GALNT17: variants seen among roughly 807,000 people sequenced by gnomAD.
GALNT17 encodes polypeptide N-acetylgalactosaminyltransferase 17.
GALNT17 carries 29 observed loss-of-function variants against 63.7 expected under a neutral mutation model. That is an observed-to-expected ratio of 0.46 (90% CI 0.34 to 0.62). The LOEUF is 0.62. Ranked by LOEUF, GALNT17 falls within the 20% of genes least tolerant of loss-of-function variation. The pLI, the probability that GALNT17 is intolerant of heterozygous loss-of-function variation, is 0.01. For synonymous variants in GALNT17, 305 were observed against 318.3 expected, an observed-to-expected ratio of 0.96 and a Z score of 0.45; for missense variants, 603 against 799.6, an observed-to-expected ratio of 0.75 and a Z score of 2.97.
At chr7:71,212,228 A>T (rs1483334724) in intron 1 of GALNT17, among the ~76,000 whole-genome samples, 1 of 152,248 alleles carries the variant, frequency 6.6e-6, no homozygotes, top group Non-Finnish European at 1.5e-5. Flanking sequence ...GAAAGGGGCC[A>T]ACATACAGCT....
At position 71,229,764 on chromosome 7, in the gene GALNT17, G is replaced by A; in HGVS notation, c.238+96724G>A. On this transcript the variant is annotated intron_variant, in intron 1 of 10. Transcript: ENST00000333538. ...CCCTAGTCCCATCTGAGACCTGTGA[G>A]AAGTCATGGAATGGACCCTCCGCCT... Among the ~76,000 whole-genome samples, 2 of 152,320 alleles carry A rather than the reference G, an allele frequency of 1.3e-5. 1 individual carries two copies. Among genetic ancestry groups the A allele is most frequent in the Middle Eastern group, 6.8e-3 (2 of 292 alleles).
At chr7:71,659,344 G>A (rs993613104) in intron 6 of GALNT17, among the ~76,000 whole-genome samples, 2 of 152,170 alleles carry the variant, frequency 1.3e-5, no homozygotes, top group African/African-American at 4.8e-5. Flanking sequence ...GGAAGTCTGG[G>A]CTGCGGTCAG....
intron 1 of GALNT17, among the ~76,000 whole-genome samples, chr7:71,137,675 C>T (rs1245567423): frequency 2.0e-5 from 3 of 152,138 alleles, no homozygotes; most frequent in Non-Finnish European, 4.4e-5. Flanking sequence ...AGCCATCTTG[C>T]CTCCGCCATC....
At chr7:71,335,528 T>C (rs1394767781) in intron 1 of GALNT17, 22 bp from the exon 2 acceptor site, 2 of 1,533,574 alleles carry the variant, frequency 1.3e-6, no homozygotes, top group African/African-American at 2.8e-5. Context: ...CTAATAATTC[T>C]TTTTTCTCCC....
chr7:71,338,311 A>G (rs1385333583), intron 2 of GALNT17, among the ~76,000 whole-genome samples: 1 of 151,820 alleles, frequency 6.6e-6, no homozygotes, highest in Admixed American at 6.6e-5. Context: ...TGGGCGAAAG[A>G]GCGAGACTCC....
intron 9 of GALNT17, among the ~76,000 whole-genome samples, chr7:71,685,917 T>G (rs1244410468): frequency 5.1e-4 from 20 of 39,380 alleles, no homozygotes; most frequent in Non-Finnish European, 1.9e-3. Flanking sequence ...TTCTTGGGTT[T>G]TTTTTTTTTT....
chr7:71,521,492 A>G (rs1208370973), intron 5 of GALNT17, among the ~76,000 whole-genome samples: 1 of 152,048 alleles, frequency 6.6e-6, no homozygotes, highest in Non-Finnish European at 1.5e-5. Flanking sequence ...TGCAATTCAC[A>G]CCTTCTCTGT....
chr7:71,174,604 G>T (rs1042446643), intron 1 of GALNT17, among the ~76,000 whole-genome samples: 3 of 152,188 alleles, frequency 2.0e-5, no homozygotes, highest in African/African-American at 7.2e-5. Context: ...GATGGGCGGT[G>T]GAGTTAGGAG....
At chr7:71,189,720 A>G (rs1305146004) in intron 1 of GALNT17, among the ~76,000 whole-genome samples, 4 of 152,138 alleles carry the variant, frequency 2.6e-5, no homozygotes, top group African/African-American at 9.7e-5. Flanking sequence ...GCTTCAACCA[A>G]AGCATCTTTA....
At chr7:71,248,288 C>T (rs553444315) in intron 1 of GALNT17, among the ~76,000 whole-genome samples, 8 of 152,260 alleles carry the variant, frequency 5.3e-5, no homozygotes, top group East Asian at 3.9e-4. Flanking sequence ...ATGATCCAGT[C>T]GCTTTCCACT....
rs1426344703 is a variant in GALNT17, at chr7:71,335,236, AT to A, written c.239-312del. 5.3e-5 allele frequency among the ~76,000 whole-genome samples: 8 copies of A among 152,174 alleles called. No individual in the cohort carries two copies. The East Asian group carries it at 1.5e-3, about 29-fold the overall frequency. Reference sequence around the variant, plus strand: ...AACTTCTGTCTCCTGGGCTCAAGAGATTCTCCTGCCTCAGCCTCTCGAGTAG... The same window carrying A: ...AACTTCTGTCTCCTGGGCTCAAGAGATCTCCTGCCTCAGCCTCTCGAGTAG... On this transcript the variant is annotated intron_variant, in intron 1 of 10. Coordinates refer to ENST00000333538, the MANE Select transcript of GALNT17 (RefSeq NM_022479.3).
chr7:71,343,144 A>G (rs1333612758), intron 2 of GALNT17, among the ~76,000 whole-genome samples: 1 of 152,234 alleles, frequency 6.6e-6, no homozygotes, highest in Non-Finnish European at 1.5e-5. Flanking sequence ...TAGCCATCAA[A>G]GAGTTGTAAG....
chr7:71,606,877 G>A (rs1021892221), intron 6 of GALNT17, among the ~76,000 whole-genome samples: 2 of 152,136 alleles, frequency 1.3e-5, no homozygotes, highest in African/African-American at 2.4e-5. Flanking sequence ...AGCCATATGC[G>A]GTATGAATGC....
intron 5 of GALNT17, among the ~76,000 whole-genome samples, chr7:71,486,010 G>A (rs927283582): frequency 6.6e-6 from 1 of 152,142 alleles, no homozygotes; most frequent in Non-Finnish European, 1.5e-5. Flanking sequence ...TTTCAAAAGA[G>A]CCACTGGACT....
At chr7:71,361,981 G>A (rs1051824088) in intron 2 of GALNT17, among the ~76,000 whole-genome samples, 1 of 151,996 alleles carries the variant, frequency 6.6e-6, no homozygotes, top group Non-Finnish European at 1.5e-5. Flanking sequence ...TTTTGAGATG[G>A]AGTCTCCCTC....
chr7:71,202,350 T>G (rs1789190835), intron 1 of GALNT17, among the ~76,000 whole-genome samples: 1 of 152,092 alleles, frequency 6.6e-6, no homozygotes, highest in Non-Finnish European at 1.5e-5. Flanking sequence ...TCCATAACAG[T>G]TTTTTCAAGT....
intron 1 of GALNT17, among the ~76,000 whole-genome samples, chr7:71,315,210 CT>C (rs1204661487): frequency 1.3e-5 from 2 of 152,182 alleles, no homozygotes; most frequent in Non-Finnish European, 2.9e-5. Context: ...TACTTCCTTT[CT>C]TTTTATAGTC....
In GALNT17 at chr7:71,420,995, G is replaced by A; in HGVS notation, c.852G>A (p.Glu284=). The A allele has an allele frequency of 6.2e-7, 1 of 1,614,140 alleles. No individual in the cohort carries two copies. The highest frequency in any genetic ancestry group is 8.5e-7 in the Non-Finnish European group (1 of 1,180,016). Residue 284 remains glutamate (E), a synonymous_variant, in exon 5 of 11, where the codon GAG becomes GAA. Transcript: ENST00000333538. ...ACAACATCAAACAGGACAACTTTGAGGTGCAGCGGTACGAGAACTCGGCCC... is the reference window on the plus strand; with the variant it reads ...ACAACATCAAACAGGACAACTTTGAAGTGCAGCGGTACGAGAACTCGGCCC... ...SIDNIKQDNF[E]VQRYENSAHG...
intron 3 of GALNT17, among the ~76,000 whole-genome samples, chr7:71,397,549 A>C (rs1048205121): frequency 6.6e-6 from 1 of 152,194 alleles, no homozygotes; most frequent in Non-Finnish European, 1.5e-5. Flanking sequence ...CAGGCAATCC[A>C]TCCTCAGCTT....
Sources: allele counts gnomAD v4.1 joint callset (sites outside exome capture counted in the v4.1 genomes callset), GRCh38; gene constraint gnomAD v4.1.1; transcripts MANE v1.5; gene names NCBI Gene and HGNC (gene_info 2026-07-23, HGNC 2026-07-21).